The following ARHGAP26 variants were observed in gnomAD, a reference collection of about 807,000 sequenced individuals.
ARHGAP26 encodes rho GTPase-activating protein 26.
In ARHGAP26, 38 loss-of-function variants were observed where a neutral mutation model predicts 104.8. The ratio of observed to expected loss-of-function variants is 0.36; its 90% confidence interval spans 0.28 to 0.48. ARHGAP26 has a LOEUF of 0.48. ARHGAP26 is among the 20% of genes least tolerant of loss of function. ARHGAP26 has a pLI of 0.99. For missense variants in ARHGAP26, 704 were observed against 947.9 expected (o/e 0.74, Z 3.38); for synonymous variants, 341 against 340.0 (o/e 1.00, Z -0.03).
chr5:142,979,708 A>G (rs1773644439), intron 11 of ARHGAP26, among the ~76,000 whole-genome samples: 1 of 152,258 alleles, frequency 6.6e-6, no homozygotes, highest in South Asian at 2.1e-4. Flanking sequence ...CCTTCCAGGC[A>G]AAGAGAGTAT....
chr5:143,066,697 CAT>C (rs1787544814), intron 17 of ARHGAP26, among the ~76,000 whole-genome samples: 1 of 152,186 alleles, frequency 6.6e-6, no homozygotes, highest in African/African-American at 2.4e-5. Flanking sequence ...ATGCTGAAAA[CAT>C]AGCACACACA....
intron 14 of ARHGAP26, among the ~76,000 whole-genome samples, chr5:143,046,792 A>G (rs550928519): frequency 1.3e-5 from 2 of 152,254 alleles, no homozygotes; most frequent in Admixed American, 1.3e-4. Flanking sequence ...TTTTAAATAA[A>G]TTTTTTCCTG....
chr5:142,956,250 G>A (rs887998138), intron 11 of ARHGAP26, among the ~76,000 whole-genome samples: 3 of 151,978 alleles, frequency 2.0e-5, no homozygotes, highest in Admixed American at 2.0e-4. Context: ...CATCTTGTCT[G>A]TGTCCTGGTC....
At position 142,871,743 on chromosome 5, in the gene ARHGAP26, G is replaced by T. The variant is rs1047976696; in HGVS notation, c.155-1657G>T. 6.6e-6 allele frequency among the ~76,000 whole-genome samples: 1 copy of T among 152,206 alleles called. No homozygotes were observed. The highest frequency in any genetic ancestry group is 2.1e-4 in the South Asian group (1 of 4,830). Reference sequence around the variant, plus strand: ...TTGCCTTTTGTGATTTGTGTTCTGAGGGATAGCCTCAGCCTGGGCTGGCCA... The same window carrying T: ...TTGCCTTTTGTGATTTGTGTTCTGATGGATAGCCTCAGCCTGGGCTGGCCA... On this transcript the variant is annotated intron_variant, in intron 1 of 22. Coordinates refer to ENST00000645722, the MANE Select transcript of ARHGAP26 (RefSeq NM_001135608.3). The surrounding 1 kb of genome is among the most constrained non-coding windows in gnomAD (Gnocchi z 4.1).
At chr5:143,149,614 A>T (rs1799570738) in intron 20 of ARHGAP26, among the ~76,000 whole-genome samples, 1 of 152,154 alleles carries the variant, frequency 6.6e-6, no homozygotes, top group Non-Finnish European at 1.5e-5. Context: ...TGATTCTGAG[A>T]AATCTGTCGG....
chr5:142,906,840 A>G (rs1415293957), intron 8 of ARHGAP26, among the ~76,000 whole-genome samples: 1 of 152,236 alleles, frequency 6.6e-6, no homozygotes, highest in Admixed American at 6.5e-5. Context: ...ATTGATAATT[A>G]TTAAACGTCT....
intron 22 of ARHGAP26, 73 bp from the exon 23 acceptor site, chr5:143,222,273 ACACACACACACC>A: frequency 3.5e-6 from 2 of 568,806 alleles, no homozygotes; most frequent in East Asian, 4.1e-5. Context: ...ACACACACAC[ACACACACACACC>A]CCACACACAC....
chr5:143,049,868 G>A (rs1214729756), intron 14 of ARHGAP26, among the ~76,000 whole-genome samples: 2 of 152,186 alleles, frequency 1.3e-5, no homozygotes, highest in Non-Finnish European at 2.9e-5. Flanking sequence ...AGCATGCTGT[G>A]GTTCTTCCCT....
chr5:143,146,526 A>G (rs1799179013), intron 19 of ARHGAP26, among the ~76,000 whole-genome samples: 1 of 152,208 alleles, frequency 6.6e-6, no homozygotes, highest in Non-Finnish European at 1.5e-5. Context: ...GCTTGGCAGT[A>G]TTCTCCAAGC....
intron 20 of ARHGAP26, among the ~76,000 whole-genome samples, chr5:143,159,856 T>G (rs1341713143): frequency 6.6e-6 from 1 of 152,092 alleles, no homozygotes; most frequent in Non-Finnish European, 1.5e-5. Context: ...AGGAGGCAGA[T>G]GGGATGGTGA....
intron 17 of ARHGAP26, among the ~76,000 whole-genome samples, chr5:143,064,136 A>G (rs763377252): frequency 6.6e-6 from 1 of 151,894 alleles, no homozygotes; most frequent in Non-Finnish European, 1.5e-5. Flanking sequence ...ACCACTGACA[A>G]TTGGCTGGAG....
At chr5:143,011,303 C>T (rs1487352215) in intron 11 of ARHGAP26, among the ~76,000 whole-genome samples, 3 of 110,988 alleles carry the variant, frequency 2.7e-5, no homozygotes, top group Admixed American at 2.1e-4. Context: ...TAAACCCCCG[C>T]TTTTTTTTTT....
intron 6 of ARHGAP26, 76 bp downstream of exon 6, chr5:142,894,424 G>A (rs1759173970): frequency 4.4e-6 from 6 of 1,366,458 alleles, no homozygotes; most frequent in Non-Finnish European, 6.2e-6. Context: ...ATTACAAAAT[G>A]CTCTAAGTTG....
chr5:142,949,214 AGAGAGAGGAGAGAGAGAG>A (rs1767851269), intron 11 of ARHGAP26, among the ~76,000 whole-genome samples: 2 of 63,150 alleles, frequency 3.2e-5, no homozygotes, highest in East Asian at 2.2e-3. Flanking sequence ...AGAGAGAGAG[AGAGAGAGGAGAGAGAGAG>A]GAGAGAGAGA....
At chr5:143,167,086 T>C (rs1209456756) in intron 20 of ARHGAP26, among the ~76,000 whole-genome samples, 1 of 152,094 alleles carries the variant, frequency 6.6e-6, no homozygotes, top group Admixed American at 6.6e-5. Flanking sequence ...ACAGTATTGA[T>C]TTTTATAATT....
At chr5:143,016,575 C>T (rs1462665139) in intron 12 of ARHGAP26, among the ~76,000 whole-genome samples, 1 of 152,000 alleles carries the variant, frequency 6.6e-6, no homozygotes. Flanking sequence ...TGGTGGCACA[C>T]GCCTGTAATG....
chr5:143,149,366 A>T (rs146652790), intron 20 of ARHGAP26, among the ~76,000 whole-genome samples: 47 of 152,262 alleles, frequency 3.1e-4, no homozygotes, highest in African/African-American at 1.1e-3. Context: ...AGGTAGAAGC[A>T]GTACCAGCAT....
chr5:143,152,497 T>C (rs942825125), intron 20 of ARHGAP26, among the ~76,000 whole-genome samples: 4 of 152,222 alleles, frequency 2.6e-5, no homozygotes, highest in Non-Finnish European at 5.9e-5. Context: ...CAGATGATAC[T>C]CTCTGGTCTC....
chr5:143,075,962 G>A (rs1205879227), intron 17 of ARHGAP26, among the ~76,000 whole-genome samples: 2 of 151,028 alleles, frequency 1.3e-5, no homozygotes. Context: ...TCCTTCCAGA[G>A]TGCTGGGATT....
Sources: allele counts gnomAD v4.1 joint callset (sites outside exome capture counted in the v4.1 genomes callset), GRCh38; gene constraint gnomAD v4.1.1; non-coding constraint Gnocchi (gnomAD v3.1); transcripts MANE v1.5; gene names NCBI Gene and HGNC (gene_info 2026-07-23, HGNC 2026-07-21).